The following TF variants were observed in gnomAD, a reference collection of about 807,000 sequenced individuals.
The protein encoded by TF is serotransferrin.
A neutral mutation model predicts 82.4 loss-of-function variants in TF; 55 were observed. The ratio of observed to expected loss-of-function variants is 0.67; its 90% CI spans 0.54 to 0.84. The LOEUF (loss-of-function observed/expected upper bound fraction) is 0.84, where lower values mean the gene tolerates loss of function less well. Ranked by LOEUF, TF falls within the 40% of genes least tolerant of loss-of-function variation. The probability of loss-of-function intolerance (pLI) is 0.00; values close to 1 mark genes in which losing one functional copy is unlikely to be tolerated. For missense variants in TF, 737 were observed against 868.4 expected (o/e 0.85, Z 1.90); for synonymous variants, 332 against 332.6 (o/e 1.00, Z 0.02).
At chr3:133,735,342 A>ACC in the TF span, among the ~76,000 whole-genome samples, 21 of 148,828 alleles carry the variant, frequency 1.4e-4, no homozygotes, top group African/African-American at 2.7e-4. Flanking sequence ...TCCATCCCAA[A>ACC]AAAAAAAAAA....
the TF span, among the ~76,000 whole-genome samples, chr3:133,718,537 T>C: frequency 6.6e-6 from 1 of 152,006 alleles, no homozygotes; most frequent in Non-Finnish European, 1.5e-5. Context: ...GAGGCAGAAG[T>C]TTGTGGAAAG....
At chr3:133,721,918 C>T in the TF span, among the ~76,000 whole-genome samples, 1 of 152,090 alleles carries the variant, frequency 6.6e-6, no homozygotes. Flanking sequence ...CTGGCTGTGT[C>T]ACCCATGCTG....
In TF at chr3:133,792,463, C is replaced by A. The variant is rs4580550; in HGVS notation, c.*13843C>A. ...TCTACAACTTGCCTGCTTTACAGCT[C>A]GGTAAGGCCTGAGACACGTGGAGTC... On this transcript the variant is annotated 3_prime_UTR_variant, in exon 17 of 17. Transcript: ENST00000402696. 0.74 allele frequency: 112,073 copies of A among 152,122 alleles called. 41,588 individuals carry two copies. The highest frequency in any genetic ancestry group is 0.81 in the African/African-American group (33,736 of 41,526). The allele number at this position is 152,122 out of a possible 1,614,324, so 9.4% of individuals were successfully genotyped here.
chr3:133,672,513 G>C, the TF span, among the ~76,000 whole-genome samples: 3 of 150,632 alleles, frequency 2.0e-5, no homozygotes, highest in Non-Finnish European at 4.4e-5. Flanking sequence ...AATGTTATAC[G>C]TAATAGCCAA....
chr3:133,741,134 G>A (rs1042048943), upstream of TF, among the ~76,000 whole-genome samples: 1 of 151,498 alleles, frequency 6.6e-6, no homozygotes, highest in Non-Finnish European at 1.5e-5. Flanking sequence ...TGAGACTACA[G>A]GTGTGCACCA....
chr3:133,740,414 C>G, the TF span, among the ~76,000 whole-genome samples: 17 of 152,114 alleles, frequency 1.1e-4, no homozygotes, highest in African/African-American at 4.1e-4. Context: ...ACCTCTGCCT[C>G]CTGGGTTTAA....
intron 2 of TF, 36 bp downstream of exon 2, chr3:133,748,620 G>A: frequency 6.2e-7 from 1 of 1,611,886 alleles, no homozygotes; most frequent in African/African-American, 1.3e-5. Context: ...GTGGAAGAAA[G>A]CCATACTTTC....
At chr3:133,674,744 C>A in the TF span, among the ~76,000 whole-genome samples, 3 of 150,104 alleles carry the variant, frequency 2.0e-5, no homozygotes, top group Non-Finnish European at 4.5e-5. Flanking sequence ...GGACCCTGCG[C>A]GACAACCGGA....
chr3:133,767,997 A>C (rs754939289), intron 12 of TF, 32 bp from the exon 13 acceptor site: 1 of 1,613,908 alleles, frequency 6.2e-7, no homozygotes, highest in Admixed American at 1.7e-5. Flanking sequence ...TTGACTCAGG[A>C]AAAGCTGACT....
At chr3:133,715,300 A>G in the TF span, among the ~76,000 whole-genome samples, 186 of 152,274 alleles carry the variant, frequency 1.2e-3, 1 homozygote, top group African/African-American at 4.4e-3. Flanking sequence ...AAAGAAATCG[A>G]AAGATAAATT....
chr3:133,699,402 A>C, the TF span: 18,629 of 1,029,574 alleles, frequency 0.018, 196 homozygotes, highest in African/African-American at 0.036. Flanking sequence ...ACTATGGCTC[A>C]TGGCTCTCCT....
the TF span, among the ~76,000 whole-genome samples, chr3:133,696,220 CAGGAGTTGGAGG>C: frequency 2.6e-5 from 4 of 151,968 alleles, no homozygotes; most frequent in African/African-American, 9.7e-5. Context: ...AGCCTCCAAC[CAGGAGTTGGAGG>C]CTACAGCGAG....
At chr3:133,714,729 C>T in the TF span, among the ~76,000 whole-genome samples, 1 of 152,162 alleles carries the variant, frequency 6.6e-6, no homozygotes, top group African/African-American at 2.4e-5. Flanking sequence ...GTCACCTAGG[C>T]TGGAGTGTGG....
chr3:133,761,488 C>A (rs1286862480), intron 9 of TF: 2 of 151,722 alleles, frequency 1.3e-5, no homozygotes, highest in Non-Finnish European at 2.9e-5. Flanking sequence ...AGTGAGACAC[C>A]ATCTCAAAAA....
chr3:133,713,244 A>G, the TF span, among the ~76,000 whole-genome samples: 1 of 152,216 alleles, frequency 6.6e-6, no homozygotes, highest in Non-Finnish European at 1.5e-5. Context: ...ATATTTATTG[A>G]GCACCTAATA....
chr3:133,776,009 C>A (rs550818910), intron 15 of TF, among the ~76,000 whole-genome samples: 4 of 152,130 alleles, frequency 2.6e-5, no homozygotes, highest in Admixed American at 6.5e-5. Flanking sequence ...TGGAACTAGA[C>A]CTCTCAGGCC....
chr3:133,670,150 G>C, the TF span, among the ~76,000 whole-genome samples: 1 of 152,228 alleles, frequency 6.6e-6, no homozygotes, highest in Admixed American at 6.5e-5. Context: ...TTGAATGCCA[G>C]CTTGGACACC....
intron 10 of TF, 93 bp from the exon 11 acceptor site, chr3:133,764,782 T>C: frequency 7.9e-7 from 1 of 1,273,674 alleles, no homozygotes; most frequent in South Asian, 1.3e-5. Flanking sequence ...TCTCTGACTT[T>C]CTTTATTCTT....
the TF span, among the ~76,000 whole-genome samples, chr3:133,722,222 G>T: frequency 6.6e-6 from 1 of 151,792 alleles, no homozygotes; most frequent in Middle Eastern, 3.4e-3. Flanking sequence ...TTTATCTGAT[G>T]TAATATGGCT....
Sources: allele counts gnomAD v4.1 joint callset (sites outside exome capture counted in the v4.1 genomes callset), GRCh38; gene constraint gnomAD v4.1.1; transcripts MANE v1.5; gene names NCBI Gene and HGNC (gene_info 2026-07-23, HGNC 2026-07-21).